Variants in SLC12A9 observed in about 807,000 individuals in gnomAD.
The protein encoded by SLC12A9 is solute carrier family 12 member 9.
Under a neutral mutation model 66.0 loss-of-function variants are expected in SLC12A9, and 55 were observed. The ratio of observed to expected loss-of-function variants is 0.83; its 90% CI spans 0.67 to 1.04. The LOEUF is 1.04. Among genes scored for constraint, SLC12A9 ranks in the 50% least tolerant of loss-of-function variants. The pLI is 0.00. For missense variants in SLC12A9, 1,061 were observed against 1,241.9 expected (o/e 0.85, Z 2.19); for synonymous variants, 577 against 569.0 (o/e 1.01, Z -0.20).
At chr7:100,835,728 T>A (rs1386334696) in intron 1 of SLC12A9, among the ~76,000 whole-genome samples, 1 of 152,172 alleles carries the variant, frequency 6.6e-6, no homozygotes, top group African/African-American at 2.4e-5. Flanking sequence ...CATGCAGACT[T>A]TCCCATCCTG....
chr7:100,848,889 A>G (rs1338213224), upstream of SLC12A9, among the ~76,000 whole-genome samples: 1 of 144,882 alleles, frequency 6.9e-6, no homozygotes, highest in African/African-American at 2.6e-5. Context: ...CCATCTCAAA[A>G]AAAAGGAAAG....
intron 13 of SLC12A9, 44 bp downstream of exon 13, chr7:100,862,871 C>T: frequency 6.2e-7 from 1 of 1,609,166 alleles, no homozygotes; most frequent in South Asian, 1.1e-5. Context: ...CCTCTGTGGC[C>T]ACTTCAAATC....
At chr7:100,848,754 C>T (rs1463626089), upstream of SLC12A9, among the ~76,000 whole-genome samples, 2 of 151,186 alleles carry the variant, frequency 1.3e-5, no homozygotes, top group South Asian at 2.1e-4. Flanking sequence ...TGCGTGGTGG[C>T]GGGAGCCTGT....
At chr7:100,852,558 A>G (rs943975493), upstream of SLC12A9, 1 of 152,210 alleles carries the variant, frequency 6.6e-6, no homozygotes, top group Non-Finnish European at 1.5e-5. Context: ...GTCCTGCCGG[A>G]GACGCTTGTC....
intron 1 of SLC12A9, among the ~76,000 whole-genome samples, chr7:100,835,059 C>G (rs1418112774): frequency 6.6e-6 from 1 of 151,368 alleles, no homozygotes; most frequent in Non-Finnish European, 1.5e-5. Flanking sequence ...AATAAACAAA[C>G]AAAAGAGTGT....
In SLC12A9 at chr7:100,857,194, G is replaced by A. The variant is rs143784567; in HGVS notation, c.757+18G>A. 7.8e-4 allele frequency: 1,253 copies of A among 1,598,714 alleles called. 10 individuals carry two copies. The African/African-American group carries it at 0.014, about 18-fold the overall frequency. On this transcript the variant is annotated intron_variant, in intron 5 of 13. Coordinates refer to ENST00000354161, the MANE Select transcript of SLC12A9 (RefSeq NM_020246.4). ...CTTGGGCGGTGAGCTGGGTGCTGCC[G>A]TGGCAGGGATCTCGGGGTGAGGGGT...
intron 1 of SLC12A9, among the ~76,000 whole-genome samples, chr7:100,846,566 CAAA>C (rs199870500): frequency 9.5e-6 from 1 of 105,456 alleles, no homozygotes. Flanking sequence ...GACTCCGTCT[CAAA>C]AAAAAAAAAA....
intron 1 of SLC12A9, among the ~76,000 whole-genome samples, chr7:100,829,347 T>C (rs1018789096): frequency 1.3e-5 from 2 of 152,230 alleles, no homozygotes; most frequent in South Asian, 4.2e-4. Flanking sequence ...AAGAGAGACG[T>C]TGGAGTCCAG....
intron 1 of SLC12A9, among the ~76,000 whole-genome samples, chr7:100,842,426 C>T (rs1436993108): frequency 6.6e-6 from 1 of 152,170 alleles, no homozygotes; most frequent in South Asian, 2.1e-4. Flanking sequence ...TCCTGACTCT[C>T]CTCAGACTGG....
At position 100,864,942 on chromosome 7, in the gene SLC12A9, C is replaced by T. The variant is rs144835191; in HGVS notation, c.1859-777C>T. 2.4e-3 allele frequency among the ~76,000 whole-genome samples: 366 copies of T among 152,148 alleles called. 1 individual carries two copies. Among genetic ancestry groups the T allele is most frequent in the Middle Eastern group, 6.8e-3 (2 of 294 alleles). ...GTTAGGGTTTACTGCAGTAAACATA[C>T]GGGGTAGCCCTGTTTCTTTTTTTCT... is the stretch of plus-strand genomic sequence containing the variant. On this transcript the variant is annotated intron_variant, in intron 13 of 13. Transcript: ENST00000354161.
At position 100,859,033 on chromosome 7, in the gene SLC12A9, C is replaced by G. The variant is rs759430424; in HGVS notation, c.866-17C>G. ...GGCTGGAGGGCTGACCTCACTCCCTCTGCTCCCCCTCTCCAGGGGAGCTGA... is the reference window on the plus strand; with the variant it reads ...GGCTGGAGGGCTGACCTCACTCCCTGTGCTCCCCCTCTCCAGGGGAGCTGA... On this transcript the variant is annotated splice_polypyrimidine_tract_variant and intron_variant, in intron 6 of 13. Coordinates refer to ENST00000354161, the MANE Select transcript of SLC12A9 (RefSeq NM_020246.4). The G allele has an allele frequency of 6.2e-7, 1 of 1,612,868 alleles. No homozygotes were observed. Among genetic ancestry groups the G allele is most frequent in the Admixed American group, 1.7e-5 (1 of 60,012 alleles).
intron 13 of SLC12A9, among the ~76,000 whole-genome samples, chr7:100,863,984 T>G (rs1814921245): frequency 6.6e-6 from 1 of 152,182 alleles, no homozygotes; most frequent in Non-Finnish European, 1.5e-5. Flanking sequence ...GAGCCTGGTC[T>G]TCACTTTTTG....
At position 100,837,851 on chromosome 7, in the gene SLC12A9, ATTTTTTTTT is replaced by A. The variant is rs11285489; in HGVS notation, n.228+10823_228+10831del. Among the ~76,000 whole-genome samples, 276 of 79,644 alleles carry A rather than the reference ATTTTTTTTT, an allele frequency of 3.5e-3. 1 individual carries two copies. The highest frequency in any genetic ancestry group is 4.7e-3 in the Non-Finnish European group (204 of 43,338). The allele number at this position is 79,644 out of a possible 152,430, so 52.2% of individuals were successfully genotyped here. Reference sequence around the variant, plus strand: ...ATTTATTTTTAAAACATTTATTTCAATTTTTTTTTTTTTTTTTTTTTTTTTTTGAGACAG... The same window carrying A: ...ATTTATTTTTAAAACATTTATTTCAATTTTTTTTTTTTTTTTTTGAGACAG... On this transcript the variant is annotated intron_variant and non_coding_transcript_variant, in intron 1 of 1. Coordinates refer to the SLC12A9 transcript ENST00000461016.
At chr7:100,855,633 T>A in intron 3 of SLC12A9, 73 bp from the exon 4 acceptor site, 16 of 1,604,586 alleles carry the variant, frequency 1.0e-5, no homozygotes, top group Non-Finnish European at 1.4e-5. Flanking sequence ...GGTTCAGTGC[T>A]TGGAGCTATG....
chr7:100,857,666 G>C (rs1443433279), intron 5 of SLC12A9: 1 of 159,304 alleles, frequency 6.3e-6, no homozygotes, highest in African/African-American at 2.4e-5. Flanking sequence ...AGCATTCTGG[G>C]AGGCCGAGGC....
chr7:100,830,964 A>C (rs781735678), intron 1 of SLC12A9, among the ~76,000 whole-genome samples: 2 of 151,928 alleles, frequency 1.3e-5, no homozygotes, highest in Non-Finnish European at 2.9e-5. Flanking sequence ...GTGAACATTC[A>C]CGTTACTACC....
chr7:100,866,333 C>T lies in SLC12A9; in HGVS notation c.2473C>T (p.Arg825Trp), dbSNP rs373384131. 1.2e-4 allele frequency: 176 copies of T among 1,505,958 alleles called. No homozygotes were observed. The highest frequency in any genetic ancestry group is 3.0e-4 in the Admixed American group (14 of 46,706). 93.3% of individuals were successfully genotyped at this position (1,505,958 alleles called of 1,614,324 possible). Residue 825 changes from arginine (R) to tryptophan (W), a missense_variant, in exon 14 of 14, where the codon CGG becomes TGG. Transcript: ENST00000354161. The surrounding 1 kb of genome is among the most constrained non-coding windows in gnomAD (Gnocchi z 7.3). ...GGAAGGGGACTTTGTGAACAGTGGG[C>T]GGGGAGACGCAGAGGCAGAGGCCCT... ...EEEGDFVNSG[R>W]GDAEAEALAR...
intron 1 of SLC12A9, among the ~76,000 whole-genome samples, chr7:100,846,516 G>A (rs983412955): frequency 1.3e-5 from 2 of 151,802 alleles, no homozygotes; most frequent in East Asian, 1.9e-4. Context: ...GCAGTGAGCC[G>A]AGATCGCGCC....
chr7:100,856,676 C>G, intron 4 of SLC12A9, 192 bp from the exon 5 acceptor site: 1 of 586,220 alleles, frequency 1.7e-6, no homozygotes, highest in Non-Finnish European at 3.0e-6. Flanking sequence ...CCACACCTGG[C>G]TAATTTTGCA....
Sources: gnomAD v4.1 joint callset for allele counts (sites outside exome capture counted in the v4.1 genomes callset) on GRCh38, gnomAD v4.1.1 for gene constraint, Gnocchi (gnomAD v3.1) non-coding constraint, MANE v1.5 for transcripts, NCBI Gene and HGNC (gene_info 2026-07-23, HGNC 2026-07-21) for gene names.